The following CHSY3 variants were observed in gnomAD, a reference collection of about 807,000 sequenced individuals.
CHSY3 encodes chondroitin sulfate synthase 3.
Under a neutral mutation model 67.2 loss-of-function variants are expected in CHSY3, and 35 were observed. That is an observed-to-expected ratio of 0.52 (90% CI 0.40 to 0.69). The LOEUF (loss-of-function observed/expected upper bound fraction) is 0.69, where lower values mean the gene tolerates loss of function less well. Ranked by LOEUF, CHSY3 falls within the 30% of genes least tolerant of loss-of-function variation. CHSY3 has a pLI of 0.00. For synonymous variants in CHSY3, 474 were observed against 434.7 expected, an observed-to-expected ratio of 1.09 and a Z score of -1.12; for missense variants, 1,069 against 1,138.5, an observed-to-expected ratio of 0.94 and a Z score of 0.88.
chr5:130,124,562 T>C (rs895209692), intron 2 of CHSY3, among the ~76,000 whole-genome samples: 3 of 151,974 alleles, frequency 2.0e-5, no homozygotes, highest in African/African-American at 7.3e-5. Flanking sequence ...TTCAAGCAAT[T>C]CTCCTGCTTC....
At chr5:129,986,769 A>G (rs10058608) in intron 2 of CHSY3, among the ~76,000 whole-genome samples, 77,956 of 151,860 alleles carry the variant, frequency 0.51, 20,692 homozygotes, top group Non-Finnish European at 0.59. Context: ...CAGCCCCCCA[A>G]GTAGCTGGGA....
intron 2 of CHSY3, among the ~76,000 whole-genome samples, chr5:130,025,424 A>C (rs1431782490): frequency 6.6e-6 from 1 of 152,174 alleles, no homozygotes; most frequent in Non-Finnish European, 1.5e-5. Context: ...CTGGAGGGCC[A>C]ACAGGAGGAG....
At chr5:129,973,263 T>C (rs941935373) in intron 2 of CHSY3, among the ~76,000 whole-genome samples, 1 of 152,120 alleles carries the variant, frequency 6.6e-6, no homozygotes, top group Non-Finnish European at 1.5e-5. Context: ...CATATTATCC[T>C]TGTATTTCTT....
chr5:130,045,875 A>G (rs1580680268), intron 2 of CHSY3, among the ~76,000 whole-genome samples: 1 of 152,078 alleles, frequency 6.6e-6, no homozygotes. Context: ...CTTGATTGCT[A>G]TGGTAATTTT....
In CHSY3 at chr5:129,955,380, G is replaced by A. The variant is rs142126602; in HGVS notation, c.1086+47020G>A. Among the ~76,000 whole-genome samples, 14 of 151,810 alleles carry A rather than the reference G, an allele frequency of 9.2e-5. No individual in the cohort carries two copies. The East Asian group carries it at 2.5e-3, about 27-fold the overall frequency. ...AGTGATCTGCATTTATTCTTTCCTG[G>A]TTATCATTGATTTTTACTTGGTTTT... On this transcript the variant is annotated intron_variant, in intron 2 of 2. Coordinates refer to ENST00000305031, the MANE Select transcript of CHSY3 (RefSeq NM_175856.5).
At chr5:129,939,494 A>G (rs1366186790) in intron 2 of CHSY3, among the ~76,000 whole-genome samples, 2 of 152,220 alleles carry the variant, frequency 1.3e-5, no homozygotes, top group African/African-American at 4.8e-5. Context: ...ATTTCCTTCA[A>G]GTGCCATTTC....
chr5:130,174,189 A>C (rs1343048527), intron 2 of CHSY3, among the ~76,000 whole-genome samples: 1 of 152,034 alleles, frequency 6.6e-6, no homozygotes, highest in African/African-American at 2.4e-5. Context: ...TAATTTGCAG[A>C]GTCTTCACTT....
chr5:130,020,632 A>C (rs1580657021), intron 2 of CHSY3, among the ~76,000 whole-genome samples: 1 of 151,402 alleles, frequency 6.6e-6, no homozygotes, highest in Admixed American at 6.6e-5. Context: ...TGAGATGCAT[A>C]TTAAAAATGT....
Position 130,185,801 on chromosome 5 carries a change from C to CA in CHSY3, c.*12dup. Reference sequence around the variant, plus strand: ...TCGAACTCTCTCCTGACAGTCCAGGCAACACATTTTGCCTTTTTTAAGGGG... The same window carrying CA: ...TCGAACTCTCTCCTGACAGTCCAGGCAAACACATTTTGCCTTTTTTAAGGGG... On this transcript the variant is annotated 3_prime_UTR_variant, in exon 3 of 3. Transcript: ENST00000305031. 6.5e-7 allele frequency: 1 copy of CA among 1,533,244 alleles called. No homozygotes were observed. Among genetic ancestry groups the CA allele is most frequent in the Non-Finnish European group, 8.8e-7 (1 of 1,140,808 alleles). The allele number at this position is 1,533,244 out of a possible 1,614,324, so 95.0% of individuals were successfully genotyped here.
intron 2 of CHSY3, among the ~76,000 whole-genome samples, chr5:130,005,152 CT>C (rs1286497165): frequency 2.6e-5 from 4 of 151,958 alleles, no homozygotes; most frequent in African/African-American, 9.7e-5. Flanking sequence ...TTAAAAGTAC[CT>C]TCTTTAAAAT....
intron 2 of CHSY3, among the ~76,000 whole-genome samples, chr5:129,970,021 TA>T: frequency 6.6e-6 from 1 of 151,922 alleles, no homozygotes; most frequent in Admixed American, 6.6e-5. Context: ...TGTCCCTGCT[TA>T]TAGAAGGCCC....
rs557920692 is a variant in CHSY3 at position 130,038,398 on chromosome 5, G to A, written c.1086+130038G>A. ...AGACTTCTTAAAGTACAGAATGACC[G>A]TGTTATTTATTGTTGGTTGTAGTTA... On this transcript the variant is annotated intron_variant, in intron 2 of 2. Transcript: ENST00000305031. 1.5e-3 allele frequency among the ~76,000 whole-genome samples: 225 copies of A among 152,162 alleles called. 1 individual carries two copies. The highest frequency in any genetic ancestry group is 2.4e-3 in the Admixed American group (37 of 15,260).
At chr5:129,947,045 G>A (rs1761876550) in intron 2 of CHSY3, among the ~76,000 whole-genome samples, 1 of 152,168 alleles carries the variant, frequency 6.6e-6, no homozygotes, top group African/African-American at 2.4e-5. Flanking sequence ...CTGAGACTGG[G>A]TAATTTATAA....
At chr5:130,024,191 G>A (rs1161595229) in intron 2 of CHSY3, among the ~76,000 whole-genome samples, 2 of 147,298 alleles carry the variant, frequency 1.4e-5, no homozygotes, top group Admixed American at 6.8e-5. Flanking sequence ...CTCCTTGCCT[G>A]TTTTGTAATT....
At chr5:129,957,296 G>A (rs945383533) in intron 2 of CHSY3, among the ~76,000 whole-genome samples, 19 of 152,078 alleles carry the variant, frequency 1.2e-4, no homozygotes, top group African/African-American at 3.9e-4. Flanking sequence ...GATTGCTAGT[G>A]ATTTTTGTAT....
At chr5:129,913,105 C>T (rs865861554) in intron 2 of CHSY3, among the ~76,000 whole-genome samples, 1 of 152,182 alleles carries the variant, frequency 6.6e-6, no homozygotes, top group African/African-American at 2.4e-5. Flanking sequence ...CTGCATATGG[C>T]TCTTAAACAC....
At chr5:130,010,893 C>T (rs955209576) in intron 2 of CHSY3, among the ~76,000 whole-genome samples, 2 of 151,720 alleles carry the variant, frequency 1.3e-5, no homozygotes, top group African/African-American at 4.8e-5. Flanking sequence ...GGATAAATTC[C>T]TGGAAACATG....
chr5:130,036,373 G>A lies in CHSY3; in HGVS notation c.1086+128013G>A, dbSNP rs148138886. Among the ~76,000 whole-genome samples the A allele has an allele frequency of 1.6e-3, 238 of 152,068 alleles. 3 individuals are homozygous for A. Among genetic ancestry groups the A allele is most frequent in the African/African-American group, 5.2e-3 (216 of 41,472 alleles). On this transcript the variant is annotated intron_variant, in intron 2 of 2. Coordinates refer to ENST00000305031, the MANE Select transcript of CHSY3 (RefSeq NM_175856.5). ...TCTTCCATAACTGTGCTAGCATATC[G>A]TAGCTAATCTAGAGCACCAAATTTA...
chr5:129,935,115 T>C (rs983979201), intron 2 of CHSY3, among the ~76,000 whole-genome samples: 4 of 152,208 alleles, frequency 2.6e-5, no homozygotes, highest in African/African-American at 7.2e-5. Context: ...CTCTCATTAT[T>C]GTGAGAAAAT....
Sources: gnomAD v4.1 joint callset for allele counts (sites outside exome capture counted in the v4.1 genomes callset) on GRCh38, gnomAD v4.1.1 for gene constraint, MANE v1.5 for transcripts, NCBI Gene and HGNC (gene_info 2026-07-23, HGNC 2026-07-21) for gene names.